The following ELP3 variants were observed in gnomAD, a reference collection of about 807,000 sequenced individuals.
ELP3 encodes the protein elongator acetyltransferase complex subunit 3, also known as elongator complex protein 3.
In ELP3, 56 loss-of-function variants were observed where a neutral mutation model predicts 74.9. The ratio of observed to expected loss-of-function variants is 0.75; its 90% CI spans 0.60 to 0.93. The LOEUF (loss-of-function observed/expected upper bound fraction) is 0.93. Ranked by LOEUF, ELP3 falls within the 40% of genes least tolerant of loss-of-function variation. The pLI, the probability that ELP3 is intolerant of heterozygous loss-of-function variation, is 0.00. For missense variants in ELP3, 573 were observed against 686.5 expected (o/e 0.83, Z 1.85); for synonymous variants, 222 against 239.8 (o/e 0.93, Z 0.68).
intron 3 of ELP3, among the ~76,000 whole-genome samples, chr8:28,101,072 C>T (rs1811460879): frequency 6.6e-6 from 1 of 152,064 alleles, no homozygotes; most frequent in African/African-American, 2.4e-5. Flanking sequence ...CTCATATCCT[C>T]TTCTTTGTAC....
At chr8:28,093,371 C>T (rs1250340287) in intron 1 of ELP3, 138 bp downstream of exon 1, 2 of 1,161,070 alleles carry the variant, frequency 1.7e-6, no homozygotes, top group Non-Finnish European at 2.4e-6. Context: ...GTCAGTGTGT[C>T]CATTCTGGTC....
chr8:28,107,521 A>AT (rs1256553281), intron 4 of ELP3, among the ~76,000 whole-genome samples: 1 of 152,228 alleles, frequency 6.6e-6, no homozygotes, highest in East Asian at 1.9e-4. Flanking sequence ...ATTTGAAAGA[A>AT]TTAGCGGAAG....
In ELP3 at chr8:28,184,466, A is replaced by G. The variant is rs943156778; in HGVS notation, c.1568-5183A>G. On this transcript the variant is annotated intron_variant, in intron 14 of 14. Coordinates refer to ENST00000256398, the MANE Select transcript of ELP3 (RefSeq NM_018091.6). Reference sequence around the variant, plus strand: ...CCCCCTGTAGAAAGGAAAAAGTAGAAGGCCCAAGGAGCCTGTAGCTCCGTG... The same window carrying G: ...CCCCCTGTAGAAAGGAAAAAGTAGAGGGCCCAAGGAGCCTGTAGCTCCGTG... Among the ~76,000 whole-genome samples the G allele has an allele frequency of 4.6e-5, 7 of 152,194 alleles. 1 individual carries two copies. The highest frequency in any genetic ancestry group is 3.9e-4 in the Admixed American group (6 of 15,286).
Position 28,137,825 on chromosome 8 carries a change from TG to T in ELP3, c.1036del (p.Val346LeufsTer8). On this transcript the variant is annotated frameshift_variant, in exon 10 of 15. Transcript: ENST00000256398. LOFTEE classifies it high-confidence loss of function. ...GRYKSYSPSD[L>X]VELVARILAL... ...TATAAGAGTTACTCTCCTAGTGACC[TG>T]GTTGAATTGGTGGCTCGGATCCTAG... is the stretch of plus-strand genomic sequence containing the variant. 1 of 1,614,066 alleles carries T rather than the reference TG, an allele frequency of 6.2e-7. No individual in the cohort carries two copies. Among genetic ancestry groups the T allele is most frequent in the Non-Finnish European group, 8.5e-7 (1 of 1,179,968 alleles).
At chr8:28,095,480 T>C (rs1811216538) in intron 1 of ELP3, among the ~76,000 whole-genome samples, 1 of 152,220 alleles carries the variant, frequency 6.6e-6, no homozygotes, top group Non-Finnish European at 1.5e-5. Context: ...CCACCAGTCC[T>C]ACCTCTGTTG....
chr8:28,093,096 C>G, upstream of ELP3: 3 of 1,512,562 alleles, frequency 2.0e-6, no homozygotes, highest in Non-Finnish European at 2.7e-6. Flanking sequence ...AAGAGCTTTA[C>G]GATACATTGA....
chr8:28,149,512 C>T (rs1454875459), intron 10 of ELP3, among the ~76,000 whole-genome samples: 1 of 152,126 alleles, frequency 6.6e-6, no homozygotes, highest in Admixed American at 6.5e-5. Flanking sequence ...TTCGTGGGCT[C>T]CGTAGTGATG....
intron 14 of ELP3, among the ~76,000 whole-genome samples, chr8:28,165,978 T>A (rs1814291973): frequency 6.6e-6 from 1 of 152,192 alleles, no homozygotes; most frequent in Non-Finnish European, 1.5e-5. Flanking sequence ...ATGAAGCAAT[T>A]TCTTGAAAAA....
intron 7 of ELP3, among the ~76,000 whole-genome samples, chr8:28,128,402 G>A (rs1003724339): frequency 1.3e-5 from 2 of 152,154 alleles, no homozygotes; most frequent in African/African-American, 4.8e-5. Context: ...CTTGAACCCA[G>A]GAGGTAGAGG....
chr8:28,144,289 T>C (rs1813349948), intron 10 of ELP3, among the ~76,000 whole-genome samples: 1 of 152,184 alleles, frequency 6.6e-6, no homozygotes, highest in Admixed American at 6.5e-5. Flanking sequence ...TGTTTTCTAG[T>C]AAAACAGCTT....
In ELP3 at chr8:28,101,219, C is replaced by G. The variant is rs116534278; in HGVS notation, c.258+1253C>G. On this transcript the variant is annotated intron_variant, in intron 3 of 14. Transcript: ENST00000256398. Reference sequence around the variant, plus strand: ...GATCACAAGGTCAGGTCAAGACCATCCTGGCTAACACGACGAAAGCCCATC... The same window carrying G: ...GATCACAAGGTCAGGTCAAGACCATGCTGGCTAACACGACGAAAGCCCATC... 9.7e-3 allele frequency among the ~76,000 whole-genome samples: 1,479 copies of G among 152,034 alleles called. 17 individuals are homozygous for G. The highest frequency in any genetic ancestry group is 0.034 in the African/African-American group (1,414 of 41,472).
In ELP3 at chr8:28,110,360, T is replaced by C. The variant is rs776882420; in HGVS notation, c.394-10T>C. 1.4e-5 allele frequency: 22 copies of C among 1,608,896 alleles called. No individual in the cohort carries two copies. The highest frequency in any genetic ancestry group is 1.8e-5 in the Non-Finnish European group (21 of 1,178,248). ...TTCAATGTGGGCATAACAATATTTTTCTCTTCTAGCCAACCTCCATGAGAG... is the reference window on the plus strand; with the variant it reads ...TTCAATGTGGGCATAACAATATTTTCCTCTTCTAGCCAACCTCCATGAGAG... On this transcript the variant is annotated splice_polypyrimidine_tract_variant and intron_variant, in intron 5 of 14. Coordinates refer to ENST00000256398, the MANE Select transcript of ELP3 (RefSeq NM_018091.6).
At chr8:28,168,741 A>G (rs1240786758) in intron 14 of ELP3, among the ~76,000 whole-genome samples, 1 of 152,248 alleles carries the variant, frequency 6.6e-6, no homozygotes. Flanking sequence ...CTCCTTATCA[A>G]TGTAACTTGA....
chr8:28,182,337 A>G (rs1815047215), intron 14 of ELP3, among the ~76,000 whole-genome samples: 1 of 152,160 alleles, frequency 6.6e-6, no homozygotes, highest in Non-Finnish European at 1.5e-5. Flanking sequence ...AGGCACATGG[A>G]TTGCCTGAGG....
intron 7 of ELP3, among the ~76,000 whole-genome samples, chr8:28,126,355 G>A (rs1812577215): frequency 6.6e-6 from 1 of 152,102 alleles, no homozygotes; most frequent in African/African-American, 2.4e-5. Flanking sequence ...TTCTGTCAAC[G>A]TAAGGTTTTG....
At chr8:28,101,234 G>C (rs571214684) in intron 3 of ELP3, among the ~76,000 whole-genome samples, 2 of 151,572 alleles carry the variant, frequency 1.3e-5, no homozygotes, top group African/African-American at 4.9e-5. Flanking sequence ...CTAACACGAC[G>C]AAAGCCCATC....
chr8:28,155,875 C>A (rs889134384), intron 10 of ELP3, 67 bp from the exon 11 acceptor site: 1 of 1,296,376 alleles, frequency 7.7e-7, no homozygotes, highest in African/African-American at 1.5e-5. Context: ...TTTTTAATAT[C>A]CTTGCCTTAC....
intron 6 of ELP3, 39 bp from the exon 7 acceptor site, chr8:28,112,980 T>C: frequency 6.3e-7 from 1 of 1,589,078 alleles, no homozygotes; most frequent in Non-Finnish European, 8.6e-7. Flanking sequence ...TAGTTCCTTA[T>C]GCTTATATCA....
intron 14 of ELP3, among the ~76,000 whole-genome samples, chr8:28,182,358 G>A (rs986887939): frequency 5.9e-5 from 9 of 152,160 alleles, no homozygotes; most frequent in Non-Finnish European, 1.0e-4. Context: ...TCAGGAGTTC[G>A]AGACCAGCCT....
Sources: gnomAD v4.1 joint callset for allele counts (sites outside exome capture counted in the v4.1 genomes callset) on GRCh38, gnomAD v4.1.1 for gene constraint, MANE v1.5 for transcripts, NCBI Gene and HGNC (gene_info 2026-07-23, HGNC 2026-07-21) for gene names.